Variants in MYSM1 observed in about 807,000 individuals in gnomAD.
MYSM1 encodes the protein deubiquitinase MYSM1.
In MYSM1, 51 loss-of-function variants were observed where a neutral mutation model predicts 116.0. That is an observed-to-expected ratio of 0.44 (90% CI 0.35 to 0.56). The LOEUF (loss-of-function observed/expected upper bound fraction) is 0.56, where lower values mean the gene tolerates loss of function less well. MYSM1 is among the 20% of genes least tolerant of loss of function. The pLI, the probability that MYSM1 is intolerant of heterozygous loss-of-function variation, is 0.00. For synonymous variants in MYSM1, 313 were observed against 315.2 expected, an observed-to-expected ratio of 0.99 and a Z score of 0.07; for missense variants, 900 against 974.9, an observed-to-expected ratio of 0.92 and a Z score of 1.02.
intron 9 of MYSM1, 77 bp from the exon 10 acceptor site, chr1:58,675,657 C>A (rs1029478808): frequency 3.8e-6 from 4 of 1,066,478 alleles, no homozygotes; most frequent in Non-Finnish European, 4.2e-6. Context: ...CACATGTACA[C>A]TGACTATAGT....
intron 2 of MYSM1, among the ~76,000 whole-genome samples, chr1:58,694,565 G>A (rs958480473): frequency 6.6e-6 from 1 of 151,626 alleles, no homozygotes; most frequent in African/African-American, 2.4e-5. Flanking sequence ...AGGTTGCAGT[G>A]AGCCGAGATC....
intron 15 of MYSM1, 96 bp downstream of exon 15, chr1:58,667,751 T>C: frequency 1.3e-6 from 1 of 753,000 alleles, no homozygotes; most frequent in Non-Finnish European, 2.3e-6. Flanking sequence ...ATAGGTAAAG[T>C]CTGTATTTTA....
In MYSM1 at chr1:58,660,160, T is replaced by G. The variant is rs1268141457; in HGVS notation, c.2329-5A>C. 2.0e-6 allele frequency: 3 copies of G among 1,523,592 alleles called. No homozygotes were observed. The highest frequency in any genetic ancestry group is 2.6e-6 in the Non-Finnish European group (3 of 1,136,348). 94.4% of individuals were successfully genotyped at this position (1,523,592 alleles called of 1,614,324 possible). ...CTTCCTCATACACTCCAAAAGCTAG[T>G]TGAAAAGAAAAGTTTTATATTTAAA... On this transcript the variant is annotated splice_polypyrimidine_tract_variant and splice_region_variant and intron_variant, in intron 19 of 19. Coordinates refer to ENST00000472487, the MANE Select transcript of MYSM1 (RefSeq NM_001085487.3).
At chr1:58,667,701 A>AAT in intron 15 of MYSM1, 146 bp downstream of exon 15, 1 of 592,478 alleles carries the variant, frequency 1.7e-6, no homozygotes, top group South Asian at 2.3e-5. Flanking sequence ...CACTTCTGGG[A>AAT]ATATATAACT....
rs371554081 is a variant in MYSM1 at position 58,689,069 on chromosome 1, A to G, written c.368T>C (p.Ile123Thr). ...KPASYSVKWT[I>T]EEKELFEQGL... ...TTGTTCAAACAGCTCTTTTTCTTCT[A>G]TCGTCCACTTTACTGAGTAACTGGC... Residue 123 changes from isoleucine (I) to threonine (T), a missense_variant, in exon 6 of 20, where the codon ATA becomes ACA. Ile to Thr is a moderately conservative substitution (Grantham distance 89). Around this residue, in one of 3 missense-constraint regions of MYSM1, gnomAD observed 622 missense variants for 623.7 expected, o/e 1.00. Coordinates refer to ENST00000472487, the MANE Select transcript of MYSM1 (RefSeq NM_001085487.3). 67 of 1,611,686 alleles carry G rather than the reference A, an allele frequency of 4.2e-5. No individual in the cohort carries two copies. Among genetic ancestry groups the G allele is most frequent in the Non-Finnish European group, 4.0e-5 (47 of 1,179,538 alleles).
chr1:58,692,732 G>A (rs1644920038), intron 3 of MYSM1, 129 bp downstream of exon 3: 2 of 591,426 alleles, frequency 3.4e-6, no homozygotes, highest in Non-Finnish European at 5.8e-6. Context: ...TAGGTAACAT[G>A]AAATTATATA....
Position 58,673,626 on chromosome 1 carries a change from C to A in MYSM1, c.1519G>T (p.Asp507Tyr). 6.2e-7 allele frequency: 1 copy of A among 1,614,008 alleles called. No homozygotes were observed. Among genetic ancestry groups the A allele is most frequent in the South Asian group, 1.1e-5 (1 of 91,056 alleles). Reference protein sequence around the residue: ...SMRTRRRRVRDPWGNWCDAKD... With the variant: ...SMRTRRRRVRYPWGNWCDAKD... Reference sequence around the variant, plus strand: ...GCATCACACCAGTTTCCCCATGGGTCTCGGACCCTACGTCTCCTTGTACGC... The same window carrying A: ...GCATCACACCAGTTTCCCCATGGGTATCGGACCCTACGTCTCCTTGTACGC... Residue 507 changes from aspartate to tyrosine, a missense_variant, in exon 11 of 20, where the codon GAC (aspartate) becomes TAC (tyrosine). Physicochemically the swap from Asp to Tyr is radical, Grantham distance 160 (BLOSUM62 -3). Transcript: ENST00000472487.
rs1460933928 is a variant in MYSM1 at position 58,690,299 on chromosome 1, C to CT, written c.296+40dup. ...AAGGAAGCGTGTGAGGTTTCTAAAA[C>CT]TACAATCCAGACTTTTAGAAATATT... On this transcript the variant is annotated intron_variant, in intron 4 of 19. Transcript: ENST00000472487. 1.9e-6 allele frequency: 3 copies of CT among 1,581,552 alleles called. No individual in the cohort carries two copies. The African/African-American group carries it at 4.1e-5, about 22-fold the overall frequency.
chr1:58,662,453 C>CA (rs1491292566), intron 17 of MYSM1, among the ~76,000 whole-genome samples: 1 of 70,864 alleles, frequency 1.4e-5, no homozygotes, highest in Non-Finnish European at 2.8e-5. Context: ...TGCCATTATT[C>CA]ACCCCCCCCT....
intron 17 of MYSM1, among the ~76,000 whole-genome samples, chr1:58,663,857 G>A (rs960007357): frequency 2.6e-5 from 4 of 152,126 alleles, no homozygotes; most frequent in Non-Finnish European, 5.9e-5. Context: ...CTGGCTCTGG[G>A]TGGGTTTCTC....
At chr1:58,695,982 A>G (rs1030279985) in intron 1 of MYSM1, among the ~76,000 whole-genome samples, 5 of 152,204 alleles carry the variant, frequency 3.3e-5, no homozygotes, top group Non-Finnish European at 5.9e-5. Context: ...GTCTAGTGAT[A>G]AGAATTTTCC....
Position 58,682,227 on chromosome 1 carries a change from A to T in MYSM1, c.817T>A (p.Ser273Thr). ...ITSDSQEALFSKSSRGCLQNE... is the reference protein window; with the variant it reads ...ITSDSQEALFTKSSRGCLQNE... ...TGAAGACAGCCCCTGGAAGACTTAG[A>T]AAAGAGAGCTTCCTGGCTGTCAGAA... Residue 273 changes from serine (S) to threonine (T), a missense_variant, in exon 8 of 20, where the codon TCT (serine) becomes ACT (threonine). Coordinates refer to ENST00000472487, the MANE Select transcript of MYSM1 (RefSeq NM_001085487.3). 6.2e-7 allele frequency: 1 copy of T among 1,613,096 alleles called. No individual in the cohort carries two copies. Among genetic ancestry groups the T allele is most frequent in the Non-Finnish European group, 8.5e-7 (1 of 1,179,196 alleles).
At chr1:58,690,176 A>G (rs1249854946) in intron 5 of MYSM1, 50 bp downstream of exon 5, 1 of 1,395,260 alleles carries the variant, frequency 7.2e-7, no homozygotes, top group South Asian at 1.5e-5. Context: ...TTATTCCATA[A>G]TTTTTAACTA....
Position 58,659,977 on chromosome 1 carries a change from ATG to A in MYSM1, c.*18_*19del. 7.1e-7 allele frequency: 1 copy of A among 1,413,382 alleles called. No individual in the cohort carries two copies. The highest frequency in any genetic ancestry group is 9.4e-7 in the Non-Finnish European group (1 of 1,058,658). 87.6% of individuals were successfully genotyped at this position (1,413,382 alleles called of 1,614,324 possible). A position where few individuals can be genotyped will look rare whatever the true frequency, so the allele number is the denominator to read the frequency against. On this transcript the variant is annotated 3_prime_UTR_variant, in exon 20 of 20. Coordinates refer to ENST00000472487, the MANE Select transcript of MYSM1 (RefSeq NM_001085487.3). ...TAAGATCTACTGTGTCAAGATTAAA[ATG>A]TCTTAACTTTAAAATAATCACATTA...
chr1:58,698,105 T>TTATTTATTTATTTA lies in MYSM1; in HGVS notation c.68+1879_68+1880insTAAATAAATAAATA, dbSNP rs1553140025. ...CAGACTATATATATATATATATATT[T>TTATTTATTTATTTA]TTTTTTTTTTTTTGAGACAGAGTCT... On this transcript the variant is annotated intron_variant, in intron 1 of 19. Coordinates refer to ENST00000472487, the MANE Select transcript of MYSM1 (RefSeq NM_001085487.3). Among the ~76,000 whole-genome samples the TTATTTATTTATTTA allele has an allele frequency of 3.4e-5, 2 of 58,072 alleles. 1 individual carries two copies. The highest frequency in any genetic ancestry group is 7.9e-5 in the Non-Finnish European group (2 of 25,330). 38.1% of individuals were successfully genotyped at this position (58,072 alleles called of 152,430 possible). A position where few individuals can be genotyped will look rare whatever the true frequency, so the allele number is the denominator to read the frequency against.
chr1:58,667,694 T>G (rs1285515858), intron 15 of MYSM1, among the ~76,000 whole-genome samples, 153 bp downstream of exon 15: 1 of 152,184 alleles, frequency 6.6e-6, no homozygotes, highest in Admixed American at 6.5e-5. Context: ...GTTAAGTCAC[T>G]TCTGGGAATA....
At position 58,682,495 on chromosome 1, in the gene MYSM1, A is replaced by T. The variant is rs752961866; in HGVS notation, c.549T>A (p.Asn183Lys). Residue 183 changes from asparagine to lysine, a missense_variant, in exon 8 of 20, where the codon AAT becomes AAA. By Grantham distance (94) the Asn-to-Lys change is moderately conservative. Transcript: ENST00000472487. ...CTTTATCTTCATTTTTAACTTGAAG[A>T]TTATGGCCGGTCTTCTGATTTGGTG... is the stretch of plus-strand genomic sequence containing the variant. ...KETPNQKTGHNLQVKNEDKGT... is the reference protein window; with the variant it reads ...KETPNQKTGHKLQVKNEDKGT... 3 of 1,613,702 alleles carry T rather than the reference A, an allele frequency of 1.9e-6. No individual in the cohort carries two copies. The highest frequency in any genetic ancestry group is 1.1e-5 in the South Asian group (1 of 91,022).
intron 17 of MYSM1, 99 bp downstream of exon 17, chr1:58,665,400 T>G: frequency 1.1e-6 from 1 of 938,250 alleles, no homozygotes. Context: ...CACAAACTCT[T>G]GCATTAAATA....
At chr1:58,681,513 C>T (rs1355189646) in intron 8 of MYSM1, among the ~76,000 whole-genome samples, 1 of 152,210 alleles carries the variant, frequency 6.6e-6, no homozygotes, top group Non-Finnish European at 1.5e-5. Flanking sequence ...CTATATCTTC[C>T]TAACGCTGTC....
Sources: allele counts gnomAD v4.1 joint callset (sites outside exome capture counted in the v4.1 genomes callset), GRCh38; gene constraint gnomAD v4.1.1; regional missense constraint gnomAD v4.1.1; transcripts MANE v1.5; gene names NCBI Gene and HGNC (gene_info 2026-07-23, HGNC 2026-07-21).